ABI1: variants seen among roughly 807,000 people sequenced by gnomAD.
ABI1 encodes abl interactor 1, also known as Abelson interactor 1.
Under a neutral mutation model 54.6 loss-of-function variants are expected in ABI1, and 14 were observed. The observed-to-expected ratio is 0.26, with a 90% CI of 0.17 to 0.40. The LOEUF is 0.40. ABI1 is among the 10% of genes least tolerant of loss of function. The pLI is 1.00. For missense variants in ABI1, 443 were observed against 598.3 expected, an observed-to-expected ratio of 0.74 and a Z score of 2.71; for synonymous variants, 194 against 209.3, an observed-to-expected ratio of 0.93 and a Z score of 0.63.
intron 8 of ABI1, among the ~76,000 whole-genome samples, chr10:26,757,913 C>T (rs1838524162): frequency 6.6e-6 from 1 of 151,530 alleles, no homozygotes; most frequent in African/African-American, 2.4e-5. Context: ...TCTAAAAATA[C>T]AAAAATTGGC....
At chr10:26,834,596 A>AC (rs2048916753) in intron 1 of ABI1, among the ~76,000 whole-genome samples, 1 of 129,392 alleles carries the variant, frequency 7.7e-6, no homozygotes, top group Non-Finnish European at 1.7e-5. Flanking sequence ...CACACACACA[A>AC]AAGAAGACAT....
At chr10:26,851,050 A>G (rs2050344749) in intron 1 of ABI1, among the ~76,000 whole-genome samples, 1 of 150,188 alleles carries the variant, frequency 6.7e-6, no homozygotes, top group Non-Finnish European at 1.5e-5. Flanking sequence ...AAAACCAACC[A>G]TGCAAAATGA....
chr10:26,778,695 T>A (rs1489729855), intron 2 of ABI1, among the ~76,000 whole-genome samples: 1 of 152,140 alleles, frequency 6.6e-6, no homozygotes, highest in Non-Finnish European at 1.5e-5. Context: ...GTACATCTTG[T>A]GAGAAGATGC....
chr10:26,834,730 G>A (rs946925347), intron 1 of ABI1, among the ~76,000 whole-genome samples: 1 of 152,152 alleles, frequency 6.6e-6, no homozygotes, highest in Non-Finnish European at 1.5e-5. Context: ...ACTTTGGGAG[G>A]CCAAGGCAGG....
At chr10:26,804,571 A>G (rs564191401) in intron 2 of ABI1, among the ~76,000 whole-genome samples, 41 of 152,336 alleles carry the variant, frequency 2.7e-4, no homozygotes, top group Non-Finnish European at 5.3e-4. Flanking sequence ...CGAAGTGGGA[A>G]CACAAGAGAG....
At chr10:26,768,519 C>T (rs980656067) in intron 6 of ABI1, among the ~76,000 whole-genome samples, 15 of 150,248 alleles carry the variant, frequency 1.0e-4, no homozygotes, top group African/African-American at 3.7e-4. Context: ...GCCTGGGCAA[C>T]GAGAGCAAAA....
At chr10:26,780,998 C>T (rs1204606790) in intron 2 of ABI1, among the ~76,000 whole-genome samples, 2 of 152,304 alleles carry the variant, frequency 1.3e-5, no homozygotes, top group East Asian at 3.9e-4. Flanking sequence ...GGCTCATAAG[C>T]TCCAGGGAGA....
At chr10:26,754,464 C>T (rs1332965739) in intron 9 of ABI1, among the ~76,000 whole-genome samples, 2 of 152,166 alleles carry the variant, frequency 1.3e-5, no homozygotes, top group Non-Finnish European at 2.9e-5. Flanking sequence ...TACAAAACAA[C>T]ATTTTATAAC....
intron 1 of ABI1, among the ~76,000 whole-genome samples, chr10:26,830,523 G>A (rs1381864198): frequency 6.6e-6 from 1 of 151,812 alleles, no homozygotes; most frequent in African/African-American, 2.4e-5. Context: ...GGGAGCTTGA[G>A]GTGGGAGGAT....
At chr10:26,766,455 T>C (rs1564469995) in intron 6 of ABI1, among the ~76,000 whole-genome samples, 1 of 152,210 alleles carries the variant, frequency 6.6e-6, no homozygotes, top group Admixed American at 6.5e-5. Flanking sequence ...GCCCAGAAAT[T>C]CAAAGGGCAA....
At chr10:26,797,139 G>A (rs1044869553) in intron 2 of ABI1, among the ~76,000 whole-genome samples, 2 of 151,968 alleles carry the variant, frequency 1.3e-5, no homozygotes, top group South Asian at 2.1e-4. Flanking sequence ...TAAGTCTAAA[G>A]GAAAGTAATT....
At chr10:26,841,390 CAT>C (rs1015839830) in intron 1 of ABI1, among the ~76,000 whole-genome samples, 6 of 141,600 alleles carry the variant, frequency 4.2e-5, no homozygotes, top group African/African-American at 1.3e-4. Flanking sequence ...TATCAACCCA[CAT>C]AGTTACCTTT....
rs139661431 is a variant in ABI1, at chr10:26,846,589, C to G, written c.117+14158G>C. Among the ~76,000 whole-genome samples the G allele has an allele frequency of 1.5e-3, 231 of 152,226 alleles. 1 individual carries two copies. The highest frequency in any genetic ancestry group is 5.3e-3 in the African/African-American group (220 of 41,540). On this transcript the variant is annotated intron_variant, in intron 1 of 10. Transcript: ENST00000376140. ...AATTCCTGACCTCAAGCGATGGGCC[C>G]ACCTTGGCCTCCCAAAGTGCTGGGA...
At chr10:26,749,378 T>C (rs116487319) in intron 10 of ABI1, among the ~76,000 whole-genome samples, 74 of 152,326 alleles carry the variant, frequency 4.9e-4, no homozygotes, top group African/African-American at 1.7e-3. Flanking sequence ...CTGCTTTGGA[T>C]TTGGGATTTT....
chr10:26,826,630 C>T (rs147595167), intron 1 of ABI1, among the ~76,000 whole-genome samples: 2 of 152,334 alleles, frequency 1.3e-5, no homozygotes, highest in East Asian at 1.9e-4. Context: ...AAGACTGTTT[C>T]GTCTACATGG....
At chr10:26,796,992 C>T (rs1844263387) in intron 2 of ABI1, among the ~76,000 whole-genome samples, 1 of 152,184 alleles carries the variant, frequency 6.6e-6, no homozygotes, top group African/African-American at 2.4e-5. Context: ...TGTTCGCTGG[C>T]CCTCTGCTCA....
chr10:26,772,647 G>C (rs1840839463), intron 3 of ABI1, among the ~76,000 whole-genome samples: 1 of 152,068 alleles, frequency 6.6e-6, no homozygotes, highest in Non-Finnish European at 1.5e-5. Flanking sequence ...GTCAATGTTG[G>C]CAAGTGTTAG....
chr10:26,818,995 TA>T (rs1477407087), intron 2 of ABI1, among the ~76,000 whole-genome samples: 1 of 151,860 alleles, frequency 6.6e-6, no homozygotes, highest in East Asian at 1.9e-4. Flanking sequence ...TCCGTCTCAA[TA>T]AAAGAAAAAA....
At chr10:26,758,734 A>G (rs999396073) in intron 8 of ABI1, among the ~76,000 whole-genome samples, 1 of 152,218 alleles carries the variant, frequency 6.6e-6, no homozygotes, top group African/African-American at 2.4e-5. Context: ...ATGCCAATAA[A>G]TTCAGTTTAT....
Sources: gnomAD v4.1 joint callset for allele counts (sites outside exome capture counted in the v4.1 genomes callset) on GRCh38, gnomAD v4.1.1 for gene constraint, MANE v1.5 for transcripts, NCBI Gene and HGNC (gene_info 2026-07-23, HGNC 2026-07-21) for gene names.